FOXP1: variants seen among roughly 807,000 people sequenced by gnomAD.
The protein encoded by FOXP1 is forkhead box P1.
In FOXP1, 15 loss-of-function variants were observed where a neutral mutation model predicts 98.2. The observed-to-expected ratio is 0.15, with a 90% confidence interval of 0.10 to 0.24. The LOEUF is 0.24. FOXP1 is among the 10% of genes least tolerant of loss of function. FOXP1 has a pLI of 1.00. For synonymous variants in FOXP1, 371 were observed against 314.5 expected (o/e 1.18, Z -1.90); for missense variants, 633 against 848.5 (o/e 0.75, Z 3.15).
At chr3:71,140,908 G>C (rs2060036247) in intron 6 of FOXP1, among the ~76,000 whole-genome samples, 2 of 151,422 alleles carry the variant, frequency 1.3e-5, no homozygotes, top group Admixed American at 6.6e-5. Flanking sequence ...GAGCTCAGAA[G>C]TTTGAGGCCA....
At chr3:71,418,323 C>T (rs1386058403) in intron 3 of FOXP1, among the ~76,000 whole-genome samples, 2 of 152,188 alleles carry the variant, frequency 1.3e-5, no homozygotes, top group Non-Finnish European at 2.9e-5. Context: ...TGGATCCCCA[C>T]AGAACCTTTA....
chr3:71,159,916 A>G (rs761682335), intron 6 of FOXP1, among the ~76,000 whole-genome samples: 2 of 152,242 alleles, frequency 1.3e-5, no homozygotes, highest in Non-Finnish European at 2.9e-5. Flanking sequence ...GCCCAAATGT[A>G]AGACAGCCAC....
chr3:71,312,829 A>T (rs1250698644), intron 4 of FOXP1, among the ~76,000 whole-genome samples: 2 of 17,564 alleles, frequency 1.1e-4, no homozygotes, highest in African/African-American at 1.3e-4. Context: ...CTACCAAAAA[A>T]TACAAAAAAA....
At chr3:71,045,910 C>T (rs2048967142) in intron 10 of FOXP1, among the ~76,000 whole-genome samples, 1 of 152,200 alleles carries the variant, frequency 6.6e-6, no homozygotes, top group African/African-American at 2.4e-5. Flanking sequence ...GTGGCTTTAG[C>T]TATCAGCCTT....
intron 2 of FOXP1, chr3:71,543,555 G>A (rs1357694361): frequency 6.6e-6 from 1 of 152,380 alleles, no homozygotes; most frequent in Non-Finnish European, 1.5e-5. Flanking sequence ...ACCAAGCTGT[G>A]ATGTGTGGTA....
chr3:71,053,812 T>G (rs1453317306), intron 7 of FOXP1, 39 bp from the exon 8 acceptor site: 1 of 1,613,042 alleles, frequency 6.2e-7, no homozygotes, highest in African/African-American at 1.3e-5. Flanking sequence ...AGCCAGGAAA[T>G]CAGAAGCACG....
In FOXP1 at chr3:71,114,728, T is replaced by C. The variant is rs550999371; in HGVS notation, c.181-2091A>G. Among the ~76,000 whole-genome samples the C allele has an allele frequency of 7.9e-5, 12 of 152,242 alleles. No individual in the cohort carries two copies. The East Asian group carries it at 2.3e-3, about 29-fold the overall frequency. On this transcript the variant is annotated intron_variant, in intron 6 of 20. Transcript: ENST00000649528. ...AGAGACAGATTCGACAAGGCCTGCC[T>C]GGAAGAGCCTCGAGAAAAGGGGCTG...
At chr3:71,188,168 T>C (rs1252029259) in intron 6 of FOXP1, among the ~76,000 whole-genome samples, 2 of 152,202 alleles carry the variant, frequency 1.3e-5, no homozygotes, top group Non-Finnish European at 2.9e-5. Flanking sequence ...CGCACAATTT[T>C]CCCTCTACTA....
intron 5 of FOXP1, among the ~76,000 whole-genome samples, chr3:71,236,907 T>G (rs781086825): frequency 6.2e-5 from 9 of 145,810 alleles, no homozygotes; most frequent in Non-Finnish European, 1.4e-4. Context: ...AAGAAAAAAA[T>G]AAAATAAAAA....
In FOXP1 at chr3:71,543,791, G is replaced by A. The variant is rs185647097; in HGVS notation, c.-298+37758C>T. On this transcript the variant is annotated intron_variant, in intron 2 of 20. Transcript: ENST00000649528. ...CAGGCAGACTGAATCATTTCTTTCT[G>A]GTTTACTCACCTGCTTTCAAATACA... Among the ~76,000 whole-genome samples the A allele has an allele frequency of 2.9e-3, 442 of 152,234 alleles. 1 individual carries two copies. Among genetic ancestry groups the A allele is most frequent in the Non-Finnish European group, 5.2e-3 (352 of 68,004 alleles).
At chr3:70,979,484 G>GT (rs1559626986) in intron 14 of FOXP1, among the ~76,000 whole-genome samples, 2 of 151,870 alleles carry the variant, frequency 1.3e-5, no homozygotes, top group Admixed American at 6.5e-5. Flanking sequence ...TGTTTTCAGC[G>GT]TATGTATTAC....
chr3:71,229,797 T>G (rs981721822), intron 5 of FOXP1, among the ~76,000 whole-genome samples: 2 of 152,124 alleles, frequency 1.3e-5, no homozygotes. Flanking sequence ...ACCATCTCCT[T>G]AAGGTACCCA....
At chr3:70,973,835 G>GCCCCCCCCCCCCCCCCCCCCCCC (rs56950015) in intron 17 of FOXP1, among the ~76,000 whole-genome samples, 36 of 36,696 alleles carry the variant, frequency 9.8e-4, no homozygotes, top group East Asian at 1.4e-3. Flanking sequence ...TTTGCACACC[G>GCCCCCCCCCCCCCCCCCCCCCCC]CCCCCCCCCC....
intron 3 of FOXP1, among the ~76,000 whole-genome samples, chr3:71,422,821 T>C (rs879381192): frequency 6.6e-6 from 1 of 151,934 alleles, no homozygotes; most frequent in Non-Finnish European, 1.5e-5. Context: ...AATTCTTTCA[T>C]CTCAGTAAGA....
At chr3:71,396,968 GTA>G (rs201155361) in intron 3 of FOXP1, among the ~76,000 whole-genome samples, 4,847 of 19,936 alleles carry the variant, frequency 0.24, 1,254 homozygotes, top group Non-Finnish European at 0.38. Context: ...ATATATGTGT[GTA>G]TATATATATA....
At chr3:71,145,849 G>C (rs188385173) in intron 6 of FOXP1, among the ~76,000 whole-genome samples, 2 of 152,066 alleles carry the variant, frequency 1.3e-5, no homozygotes, top group Non-Finnish European at 2.9e-5. Context: ...TGTTTGTTTT[G>C]TATTATAGAG....
chr3:71,047,851 T>A (rs956173856), intron 9 of FOXP1, among the ~76,000 whole-genome samples: 3 of 152,216 alleles, frequency 2.0e-5, no homozygotes, highest in Non-Finnish European at 4.4e-5. Flanking sequence ...TACGATATGA[T>A]AAATATCTTT....
At chr3:71,167,760 C>A (rs1031827579) in intron 6 of FOXP1, among the ~76,000 whole-genome samples, 5 of 152,176 alleles carry the variant, frequency 3.3e-5, no homozygotes, top group Non-Finnish European at 5.9e-5. Context: ...CATTTTAAAT[C>A]TTTAATGGGA....
intron 3 of FOXP1, among the ~76,000 whole-genome samples, chr3:71,389,060 T>C (rs2080822316): frequency 6.6e-6 from 1 of 152,110 alleles, no homozygotes; most frequent in Non-Finnish European, 1.5e-5. Flanking sequence ...TAGAAATTTT[T>C]AAATAACCAA....
Sources: allele counts gnomAD v4.1 joint callset (sites outside exome capture counted in the v4.1 genomes callset), GRCh38; gene constraint gnomAD v4.1.1; transcripts MANE v1.5; gene names NCBI Gene and HGNC (gene_info 2026-07-23, HGNC 2026-07-21).